Variants in COL15A1 observed in about 807,000 individuals in gnomAD.
COL15A1 encodes collagen alpha-1(XV) chain.
A neutral mutation model predicts 165.9 loss-of-function variants in COL15A1; 111 were observed. The observed-to-expected ratio is 0.67, with a 90% CI of 0.57 to 0.78. COL15A1 has a LOEUF of 0.78. COL15A1 is among the 30% of genes least tolerant of loss of function. The pLI is 0.00. For missense variants in COL15A1, 1,745 were observed against 1,789.7 expected (o/e 0.98, Z 0.45); for synonymous variants, 659 against 674.8 (o/e 0.98, Z 0.36).
chr9:98,974,562 A>C (rs1221621315), intron 2 of COL15A1, among the ~76,000 whole-genome samples: 1 of 152,198 alleles, frequency 6.6e-6, no homozygotes, highest in Non-Finnish European at 1.5e-5. Context: ...GCAGGCGCAG[A>C]GGAGGGGGAC....
At chr9:98,972,159 G>A (rs1588496647) in intron 2 of COL15A1, among the ~76,000 whole-genome samples, 1 of 152,222 alleles carries the variant, frequency 6.6e-6, no homozygotes, top group South Asian at 2.1e-4. Context: ...TATAGATTAG[G>A]AGGCTACAGA....
intron 39 of COL15A1, 40 bp downstream of exon 39, chr9:99,063,149 G>GTA (rs1256971158): frequency 1.3e-6 from 2 of 1,550,298 alleles, no homozygotes; most frequent in Non-Finnish European, 1.7e-6. Flanking sequence ...AATACTGAGT[G>GTA]TATATCTGCT....
rs1564064376 is a variant in COL15A1, at chr9:99,024,279, TTTTTTG to T, written c.1855-589_1855-584del. Among the ~76,000 whole-genome samples the T allele has an allele frequency of 1.0e-4, 14 of 136,460 alleles. 1 individual carries two copies. The highest frequency in any genetic ancestry group is 1.9e-4 in the Non-Finnish European group (12 of 62,848). 89.5% of individuals were successfully genotyped at this position (136,460 alleles called of 152,430 possible). On this transcript the variant is annotated intron_variant, in intron 14 of 41. Coordinates refer to ENST00000375001, the MANE Select transcript of COL15A1 (RefSeq NM_001855.5). The stretch of plus-strand genomic sequence containing the variant: ...CTACACCACAAGCAGTTTTTTTTGT[TTTTTTG>T]TTTTTTTTTTTTTGAGATGGAGTCT...
rs1225336763 is a variant in COL15A1, at chr9:99,036,358, C to A, written c.2371C>A (p.Pro791Thr). 1 of 1,614,134 alleles carries A rather than the reference C, an allele frequency of 6.2e-7. No homozygotes were observed. Among genetic ancestry groups the A allele is most frequent in the Admixed American group, 1.7e-5 (1 of 60,030 alleles). Reference protein sequence around the residue: ...DGASIVGPPGPRGPPGHIKVL... With the variant: ...DGASIVGPPGTRGPPGHIKVL... ...AGCCAGTATTGTGGGACCCCCTGGG[C>A]CGAGAGGGCCACCTGGGCACATCAA... The change falls in exon 21 of 42, where the codon CCG (proline) becomes ACG (threonine). Residue 791 changes from proline (P) to threonine (T), a missense_variant. Physicochemically the swap from Pro to Thr is conservative, Grantham distance 38 (BLOSUM62 -1). Transcript: ENST00000375001.
rs556630129 is a variant in COL15A1, at chr9:99,059,505, C to T, written c.3338-384C>T. 2.6e-5 allele frequency among the ~76,000 whole-genome samples: 4 copies of T among 152,344 alleles called. No homozygotes were observed. The East Asian group carries it at 5.8e-4, about 22-fold the overall frequency. On this transcript the variant is annotated intron_variant, in intron 35 of 41. Transcript: ENST00000375001. ...CTCTTCCTCTTTCTGAGCCTGCTTCCTCTGTTCAGTGTCACATGCTTGTCT... is the reference window on the plus strand; with the variant it reads ...CTCTTCCTCTTTCTGAGCCTGCTTCTTCTGTTCAGTGTCACATGCTTGTCT...
chr9:98,971,933 C>A (rs1404959122), intron 2 of COL15A1, among the ~76,000 whole-genome samples: 2 of 152,202 alleles, frequency 1.3e-5, no homozygotes, highest in African/African-American at 4.8e-5. Flanking sequence ...GTTGCTAATT[C>A]TTTCATGGCT....
rs781086307 is a variant in COL15A1, at chr9:98,986,000, G to A, written c.536G>A (p.Cys179Tyr). The A allele has an allele frequency of 6.2e-7, 1 of 1,614,044 alleles. No individual in the cohort carries two copies. The highest frequency in any genetic ancestry group is 1.3e-5 in the African/African-American group (1 of 74,932). ...QGEEVTLLVN[C>Y]EEHSRIPFQR... Reference sequence around the variant, plus strand: ...GAGGAAGTGACCCTCCTCGTGAACTGTGAGGAGCACAGCCGCATCCCCTTC... The same window carrying A: ...GAGGAAGTGACCCTCCTCGTGAACTATGAGGAGCACAGCCGCATCCCCTTC... Residue 179 changes from cysteine to tyrosine, a missense_variant, in exon 3 of 42, where the codon TGT becomes TAT. Transcript: ENST00000375001.
chr9:99,004,294 G>T (rs1838718495), intron 8 of COL15A1, among the ~76,000 whole-genome samples: 1 of 152,184 alleles, frequency 6.6e-6, no homozygotes, highest in African/African-American at 2.4e-5. Context: ...CTGTGTTGGA[G>T]TTTGGGTGAG....
chr9:98,995,316 T>C (rs1838524652), intron 5 of COL15A1, among the ~76,000 whole-genome samples: 1 of 152,164 alleles, frequency 6.6e-6, no homozygotes, highest in African/African-American at 2.4e-5. Flanking sequence ...CCCTGGTTCC[T>C]GTCTTGTGGA....
intron 16 of COL15A1, among the ~76,000 whole-genome samples, chr9:99,028,581 C>T (rs1234564408): frequency 1.3e-5 from 2 of 152,056 alleles, no homozygotes; most frequent in African/African-American, 4.8e-5. Context: ...ACCCGGGAGC[C>T]AGAGGTTGCA....
At chr9:99,050,822 C>T (rs1312177836) in intron 30 of COL15A1, among the ~76,000 whole-genome samples, 1 of 152,154 alleles carries the variant, frequency 6.6e-6, no homozygotes, top group Non-Finnish European at 1.5e-5. Context: ...GATGTTAAGG[C>T]TTGGGTCATA....
intron 35 of COL15A1, among the ~76,000 whole-genome samples, chr9:99,057,717 A>G (rs576620889): frequency 2.0e-5 from 3 of 152,286 alleles, no homozygotes; most frequent in East Asian, 1.9e-4. Flanking sequence ...TATTTCTACT[A>G]TGTCCATTGG....
At chr9:98,987,177 A>G in intron 3 of COL15A1, 117 bp from the exon 4 acceptor site, 4 of 968,116 alleles carry the variant, frequency 4.1e-6, no homozygotes, top group Admixed American at 1.9e-5. Context: ...CAGGCTGTAC[A>G]TCCTCATTCC....
intron 2 of COL15A1, among the ~76,000 whole-genome samples, chr9:98,984,228 C>T (rs1392822947): frequency 1.3e-5 from 2 of 152,206 alleles, no homozygotes; most frequent in Non-Finnish European, 2.9e-5. Flanking sequence ...GTCTTGTCCC[C>T]CTCTCCCTGG....
At chr9:98,966,037 G>T (rs1446836239) in intron 2 of COL15A1, among the ~76,000 whole-genome samples, 1 of 152,162 alleles carries the variant, frequency 6.6e-6, no homozygotes, top group Non-Finnish European at 1.5e-5. Context: ...AGTGGATGCT[G>T]GTTGTGGACA....
chr9:98,998,389 A>C (rs1201764780), intron 6 of COL15A1, among the ~76,000 whole-genome samples: 12 of 152,148 alleles, frequency 7.9e-5, no homozygotes, highest in Admixed American at 7.9e-4. Flanking sequence ...GGAGAGAAAA[A>C]ATTGTAGGAT....
intron 39 of COL15A1, among the ~76,000 whole-genome samples, chr9:99,063,393 AGGCAAAGG>A (rs1352603402): frequency 1.3e-5 from 2 of 152,176 alleles, no homozygotes; most frequent in Admixed American, 1.3e-4. Context: ...GGTGGGAGAG[AGGCAAAGG>A]GAAGATGGAA....
At chr9:99,004,351 T>C (rs529775492) in intron 8 of COL15A1, among the ~76,000 whole-genome samples, 52 of 152,064 alleles carry the variant, frequency 3.4e-4, no homozygotes, top group Non-Finnish European at 3.8e-4. Context: ...TGTCAGATCC[T>C]CCCAGAAGTC....
intron 9 of COL15A1, among the ~76,000 whole-genome samples, chr9:99,008,390 G>T (rs996794099): frequency 6.6e-6 from 1 of 152,066 alleles, no homozygotes; most frequent in African/African-American, 2.4e-5. Flanking sequence ...AATCAACTTT[G>T]GTTCCTTAAA....
Sources: gnomAD v4.1 joint callset for allele counts (sites outside exome capture counted in the v4.1 genomes callset) on GRCh38, gnomAD v4.1.1 for gene constraint, MANE v1.5 for transcripts, NCBI Gene and HGNC (gene_info 2026-07-23, HGNC 2026-07-21) for gene names.